NUBPL: variants seen among roughly 807,000 people sequenced by gnomAD.
The protein encoded by NUBPL is NUBP iron-sulfur cluster assembly factor, mitochondrial.
A neutral mutation model predicts 45.7 loss-of-function variants in NUBPL; 31 were observed. The observed-to-expected ratio is 0.68, with a 90% CI of 0.51 to 0.92. NUBPL has a LOEUF of 0.92. Ranked by LOEUF, NUBPL falls within the 40% of genes least tolerant of loss-of-function variation. The pLI is 0.00. For synonymous variants in NUBPL, 144 were observed against 140.9 expected (o/e 1.02, Z -0.15); for missense variants, 401 against 398.7 (o/e 1.01, Z -0.05).
chr14:31,591,255 C>A (rs981108536), intron 3 of NUBPL, among the ~76,000 whole-genome samples: 1 of 152,224 alleles, frequency 6.6e-6, no homozygotes, highest in African/African-American at 2.4e-5. Context: ...CTCTGTCTTC[C>A]GGTTTTAAGC....
At chr14:31,691,639 G>C (rs534400716) in intron 6 of NUBPL, among the ~76,000 whole-genome samples, 3 of 152,184 alleles carry the variant, frequency 2.0e-5, no homozygotes, top group Non-Finnish European at 4.4e-5. Flanking sequence ...TTGAGAATAA[G>C]AGTTTGAGGT....
chr14:31,626,035 T>C (rs2035196466), intron 4 of NUBPL, among the ~76,000 whole-genome samples: 1 of 152,206 alleles, frequency 6.6e-6, no homozygotes, highest in African/African-American at 2.4e-5. Context: ...ATTAAAAAAC[T>C]GACAGCAAAA....
rs559810178 is a variant in NUBPL, at chr14:31,751,838, C to G, written c.514-35942C>G. On this transcript the variant is annotated intron_variant, in intron 6 of 10. Transcript: ENST00000281081. ...ATTAGGGCTCCACCCTGGCAGTAGACTTCCATACATCCTCTGAAACTTAGG... is the reference window on the plus strand; with the variant it reads ...ATTAGGGCTCCACCCTGGCAGTAGAGTTCCATACATCCTCTGAAACTTAGG... 1.2e-4 allele frequency among the ~76,000 whole-genome samples: 18 copies of G among 150,208 alleles called. No homozygotes were observed. The East Asian group carries it at 3.6e-3, about 30-fold the overall frequency.
At chr14:31,641,000 G>T (rs540293592) in intron 4 of NUBPL, among the ~76,000 whole-genome samples, 1 of 152,000 alleles carries the variant, frequency 6.6e-6, no homozygotes, top group Non-Finnish European at 1.5e-5. Flanking sequence ...TCACCAGGCT[G>T]GAGTGCAGTG....
At chr14:31,767,694 T>A (rs1186709735) in intron 6 of NUBPL, among the ~76,000 whole-genome samples, 3 of 145,678 alleles carry the variant, frequency 2.1e-5, no homozygotes, top group African/African-American at 2.8e-5. Flanking sequence ...TGTGTTTTTT[T>A]ATTTTGTTTT....
chr14:31,701,913 T>G (rs566811719), intron 6 of NUBPL, among the ~76,000 whole-genome samples: 1 of 152,286 alleles, frequency 6.6e-6, no homozygotes, highest in African/African-American at 2.4e-5. Flanking sequence ...AACAAATAGA[T>G]TTAGAGAGAA....
intron 4 of NUBPL, among the ~76,000 whole-genome samples, chr14:31,637,667 C>G (rs1044093921): frequency 6.6e-6 from 1 of 152,176 alleles, no homozygotes; most frequent in East Asian, 1.9e-4. Context: ...TCTCATTGAT[C>G]TGTCTAATGT....
At chr14:31,706,616 C>G (rs2037459242) in intron 6 of NUBPL, among the ~76,000 whole-genome samples, 2 of 152,216 alleles carry the variant, frequency 1.3e-5, no homozygotes, top group African/African-American at 2.4e-5. Flanking sequence ...AAAAACAACA[C>G]TCTTCCCCTA....
At chr14:31,607,643 G>T (rs1011890423) in intron 4 of NUBPL, among the ~76,000 whole-genome samples, 3 of 151,808 alleles carry the variant, frequency 2.0e-5, no homozygotes, top group Non-Finnish European at 4.4e-5. Flanking sequence ...GCAGAAGAAA[G>T]AATTAGTGAA....
chr14:31,635,803 C>T (rs2035478420), intron 4 of NUBPL, among the ~76,000 whole-genome samples: 1 of 151,858 alleles, frequency 6.6e-6, no homozygotes, highest in Non-Finnish European at 1.5e-5. Context: ...AGAGGTCCTT[C>T]ACATCCCTTG....
intron 4 of NUBPL, among the ~76,000 whole-genome samples, chr14:31,616,011 A>C (rs2034889486): frequency 6.6e-6 from 1 of 152,152 alleles, no homozygotes; most frequent in South Asian, 2.1e-4. Context: ...ATGATATCTC[A>C]TTGTGGTTTT....
chr14:31,822,690 C>T (rs2040037441), intron 7 of NUBPL, among the ~76,000 whole-genome samples: 1 of 151,926 alleles, frequency 6.6e-6, no homozygotes, highest in Non-Finnish European at 1.5e-5. Flanking sequence ...TATATTTCTA[C>T]AAATAGTAGA....
intron 6 of NUBPL, among the ~76,000 whole-genome samples, chr14:31,760,144 T>TGTGTGTGTGTGTGAGAGAGA: frequency 0.028 from 969 of 34,822 alleles, 66 homozygotes; most frequent in Middle Eastern, 0.12. Context: ...TGTGTGTGTG[T>TGTGTGTGTGTGTGAGAGAGA]GAGAGAGAGA....
chr14:31,734,379 T>A (rs745563596), intron 6 of NUBPL, among the ~76,000 whole-genome samples: 1 of 152,216 alleles, frequency 6.6e-6, no homozygotes, highest in Non-Finnish European at 1.5e-5. Flanking sequence ...GATAGCTGTT[T>A]CACCTTAGTA....
At chr14:31,742,579 A>G (rs2038309086) in intron 6 of NUBPL, among the ~76,000 whole-genome samples, 1 of 152,024 alleles carries the variant, frequency 6.6e-6, no homozygotes, top group Admixed American at 6.6e-5. Flanking sequence ...TTTCACATTG[A>G]CCTGTGCCAT....
chr14:31,723,400 G>A (rs2037853608), intron 6 of NUBPL, among the ~76,000 whole-genome samples: 2 of 152,120 alleles, frequency 1.3e-5, no homozygotes, highest in South Asian at 4.1e-4. Context: ...TGTTCTTTTT[G>A]CTTAGGATTG....
At chr14:31,666,224 T>G (rs559958927) in intron 4 of NUBPL, among the ~76,000 whole-genome samples, 1 of 101,006 alleles carries the variant, frequency 9.9e-6, no homozygotes, top group African/African-American at 4.1e-5. Context: ...CCATTTATAT[T>G]TAAGATATAT....
intron 6 of NUBPL, among the ~76,000 whole-genome samples, chr14:31,767,361 C>A (rs1217326433): frequency 1.3e-5 from 2 of 152,074 alleles, no homozygotes; most frequent in Non-Finnish European, 2.9e-5. Context: ...CGCCACCATG[C>A]CTGGCTAATT....
In NUBPL at chr14:31,583,878, G is replaced by A. The variant is rs569192073; in HGVS notation, c.292-15411G>A. Among the ~76,000 whole-genome samples, 14 of 152,246 alleles carry A rather than the reference G, an allele frequency of 9.2e-5. No homozygotes were observed. The South Asian group carries it at 1.2e-3, about 14-fold the overall frequency. On this transcript the variant is annotated intron_variant, in intron 3 of 10. Transcript: ENST00000281081. The stretch of plus-strand genomic sequence containing the variant: ...GGAGAGGAAGGGCTCAAGGATGACC[G>A]CTATTGCAGGTTCTTGACTGTACAA...
Sources: gnomAD v4.1 joint callset for allele counts (sites outside exome capture counted in the v4.1 genomes callset) on GRCh38, gnomAD v4.1.1 for gene constraint, MANE v1.5 for transcripts, NCBI Gene and HGNC (gene_info 2026-07-23, HGNC 2026-07-21) for gene names.